Variants in RAPH1 observed in about 807,000 individuals in gnomAD.
RAPH1 encodes ras-associated and pleckstrin homology domains-containing protein 1.
Under a neutral mutation model 88.1 loss-of-function variants are expected in RAPH1, and 18 were observed. The ratio of observed to expected loss-of-function variants is 0.20; its 90% CI spans 0.14 to 0.30. The LOEUF (loss-of-function observed/expected upper bound fraction) is 0.30, where lower values mean the gene tolerates loss of function less well. Among genes scored for constraint, RAPH1 ranks in the 10% least tolerant of loss-of-function variants. The pLI is 1.00. For synonymous variants in RAPH1, 587 were observed against 559.0 expected (o/e 1.05, Z -0.71); for missense variants, 1,448 against 1,543.2 (o/e 0.94, Z 1.03).
chr2:203,477,392 G>C (rs985054920), intron 4 of RAPH1, among the ~76,000 whole-genome samples: 2 of 152,142 alleles, frequency 1.3e-5, no homozygotes, highest in African/African-American at 4.8e-5. Context: ...CTCCACTTCT[G>C]GATAGTAGAG....
rs1553630462 is a variant in RAPH1 at position 203,506,812 on chromosome 2, C to CTATATATCTATATA, written c.1-11473_1-11460dup. On this transcript the variant is annotated intron_variant, in intron 1 of 13. Transcript: ENST00000319170. ...TATATATCTATATATATATCTATATCTATATATCTATATATATATCTATAT... is the reference window on the plus strand; with the variant it reads ...TATATATCTATATATATATCTATATCTATATATCTATATATATATATCTATATATATATCTATAT... Among the ~76,000 whole-genome samples the CTATATATCTATATA allele has an allele frequency of 2.5e-3, 133 of 52,212 alleles. 14 individuals are homozygous for CTATATATCTATATA. The highest frequency in any genetic ancestry group is 0.013 in the African/African-American group (121 of 9,392). 34.3% of individuals were successfully genotyped at this position (52,212 alleles called of 152,430 possible).
intron 1 of RAPH1, among the ~76,000 whole-genome samples, chr2:203,520,394 G>A (rs1236275554): frequency 2.0e-5 from 3 of 151,248 alleles, no homozygotes; most frequent in Non-Finnish European, 4.4e-5. Flanking sequence ...TTGGGAGGCC[G>A]AGGCGGGTGG....
At chr2:203,491,661 C>A (rs1053904471) in intron 2 of RAPH1, among the ~76,000 whole-genome samples, 1 of 152,140 alleles carries the variant, frequency 6.6e-6, no homozygotes, top group African/African-American at 2.4e-5. Context: ...GCATGTGCCA[C>A]CATGCCCGGC....
intron 10 of RAPH1, among the ~76,000 whole-genome samples, chr2:203,451,616 G>T (rs1025153204): frequency 6.6e-6 from 1 of 152,272 alleles, no homozygotes; most frequent in East Asian, 1.9e-4. Context: ...AGATTCTTAA[G>T]AGAGTCCAGA....
chr2:203,492,212 C>T lies in RAPH1; in HGVS notation c.121-893G>A, dbSNP rs974134606. On this transcript the variant is annotated intron_variant, in intron 2 of 13. Coordinates refer to ENST00000319170, the MANE Select transcript of RAPH1 (RefSeq NM_213589.3). ...TCACGCCACTGCACTCCAGCCTGGG[C>T]GACAGAGCGAGACTCAATCTCAAAA... Among the ~76,000 whole-genome samples, 11 of 140,804 alleles carry T rather than the reference C, an allele frequency of 7.8e-5. No homozygotes were observed. In the East Asian group the frequency reaches 1.2e-3, roughly 15 times the overall value. 92.4% of individuals were successfully genotyped at this position (140,804 alleles called of 152,430 possible). A position where few individuals can be genotyped will look rare whatever the true frequency, so the allele number is the denominator to read the frequency against.
At chr2:203,508,281 G>T (rs2105913531) in intron 1 of RAPH1, among the ~76,000 whole-genome samples, 1 of 150,510 alleles carries the variant, frequency 6.6e-6, no homozygotes, top group African/African-American at 2.4e-5. Context: ...TTACAGGCAT[G>T]CACCACCATG....
intron 2 of RAPH1, among the ~76,000 whole-genome samples, chr2:203,494,256 G>A (rs563868073): frequency 6.6e-6 from 1 of 152,034 alleles, no homozygotes; most frequent in Admixed American, 6.6e-5. Context: ...GAGTAAATAA[G>A]TTTTGTTCTA....
intron 4 of RAPH1, among the ~76,000 whole-genome samples, chr2:203,469,076 T>TA (rs2098530967): frequency 6.6e-6 from 1 of 152,216 alleles, no homozygotes; most frequent in African/African-American, 2.4e-5. Flanking sequence ...AAGGTGCTTG[T>TA]AAGATGTTGG....
rs1162998388 is a variant in RAPH1 at position 203,457,488 on chromosome 2, A to G, written c.1158+42T>C. 14 of 1,533,766 alleles carry G rather than the reference A, an allele frequency of 9.1e-6. No individual in the cohort carries two copies. In the Admixed American group the frequency reaches 1.5e-4, roughly 16 times the overall value. ...CGTGAGCCACCATGCCTGGCCTAAT[A>G]TTTTAATTTTTAAATGTGCAGGAAA... is the stretch of plus-strand genomic sequence containing the variant. On this transcript the variant is annotated intron_variant, in intron 8 of 13. Coordinates refer to ENST00000319170, the MANE Select transcript of RAPH1 (RefSeq NM_213589.3).
chr2:203,525,147 C>A (rs560660543), intron 1 of RAPH1, among the ~76,000 whole-genome samples: 2 of 152,320 alleles, frequency 1.3e-5, no homozygotes, highest in Admixed American at 6.5e-5. Flanking sequence ...CAGTTGCCCA[C>A]CAACAGGAAA....
chr2:203,461,465 G>T, intron 5 of RAPH1, 57 bp from the exon 6 acceptor site: 1 of 1,299,188 alleles, frequency 7.7e-7, no homozygotes, highest in Non-Finnish European at 1.0e-6. Flanking sequence ...TCTAGGAAAG[G>T]CACTGATCCA....
chr2:203,497,010 G>A (rs1688545629), intron 1 of RAPH1, among the ~76,000 whole-genome samples: 1 of 152,214 alleles, frequency 6.6e-6, no homozygotes, highest in Non-Finnish European at 1.5e-5. Flanking sequence ...TGGTGTTAAT[G>A]TGTCCCTTCC....
chr2:203,489,189 A>C (rs1688130009), intron 4 of RAPH1, among the ~76,000 whole-genome samples: 1 of 152,174 alleles, frequency 6.6e-6, no homozygotes. Flanking sequence ...TTAACCCTGT[A>C]AACTAGAATC....
intron 7 of RAPH1, 110 bp from the exon 8 acceptor site, chr2:203,457,705 G>T: frequency 1.2e-6 from 1 of 827,470 alleles, no homozygotes; most frequent in Non-Finnish European, 2.0e-6. Flanking sequence ...TTTTCTTCTA[G>T]AGAAATAGCA....
intron 1 of RAPH1, among the ~76,000 whole-genome samples, chr2:203,495,833 T>C (rs1337972782): frequency 7.2e-5 from 11 of 152,176 alleles, no homozygotes; most frequent in Admixed American, 3.3e-4. Context: ...AAGAGAAAAT[T>C]TGACAAAACA....
chr2:203,484,790 A>C (rs1376418697), intron 4 of RAPH1, among the ~76,000 whole-genome samples: 2 of 152,188 alleles, frequency 1.3e-5, no homozygotes, highest in Non-Finnish European at 2.9e-5. Flanking sequence ...TTACTCACTC[A>C]CCCACCAGCA....
chr2:203,442,042 A>G, intron 13 of RAPH1: 1 of 1,583,946 alleles, frequency 6.3e-7, no homozygotes, highest in Non-Finnish European at 8.5e-7. Flanking sequence ...GAAGTCCAGC[A>G]ATGCAGGTAA....
At chr2:203,490,349 T>C (rs1688203879) in intron 3 of RAPH1, among the ~76,000 whole-genome samples, 2 of 152,234 alleles carry the variant, frequency 1.3e-5, no homozygotes, top group Admixed American at 6.5e-5. Context: ...TACTGTTCCA[T>C]GGTTTTAACC....
chr2:203,517,224 C>T (rs1689653941), intron 1 of RAPH1, among the ~76,000 whole-genome samples: 1 of 151,714 alleles, frequency 6.6e-6, no homozygotes, highest in African/African-American at 2.4e-5. Context: ...CTTAATTTCA[C>T]AGTGGACTTT....
Sources: gnomAD v4.1 joint callset for allele counts (sites outside exome capture counted in the v4.1 genomes callset) on GRCh38, gnomAD v4.1.1 for gene constraint, MANE v1.5 for transcripts, NCBI Gene and HGNC (gene_info 2026-07-23, HGNC 2026-07-21) for gene names.